Variants in TMTC2 observed in about 807,000 individuals in gnomAD.
TMTC2 encodes protein O-mannosyl-transferase TMTC2.
In TMTC2, 43 loss-of-function variants were observed where a neutral mutation model predicts 82.4. That is an observed-to-expected ratio of 0.52 (90% CI 0.41 to 0.67). The LOEUF (loss-of-function observed/expected upper bound fraction) is 0.67, where lower values mean the gene tolerates loss of function less well. TMTC2 is among the 30% of genes least tolerant of loss of function. The pLI is 0.00. For missense variants in TMTC2, 919 were observed against 1,012.4 expected, an observed-to-expected ratio of 0.91 and a Z score of 1.25; for synonymous variants, 408 against 381.9, an observed-to-expected ratio of 1.07 and a Z score of -0.80.
intron 1 of TMTC2, among the ~76,000 whole-genome samples, chr12:82,740,259 T>C (rs916063638): frequency 7.9e-5 from 12 of 152,104 alleles, no homozygotes; most frequent in African/African-American, 2.4e-5. Context: ...TCTGGAAAAG[T>C]GGGGTGTGAT....
At chr12:82,877,663 T>G (rs1872647826) in intron 2 of TMTC2, among the ~76,000 whole-genome samples, 4 of 152,198 alleles carry the variant, frequency 2.6e-5, no homozygotes, top group African/African-American at 7.2e-5. Flanking sequence ...CTCCTGTTCT[T>G]CATTGATTAA....
At chr12:83,010,228 C>CT (rs1283195512) in intron 8 of TMTC2, among the ~76,000 whole-genome samples, 1 of 152,170 alleles carries the variant, frequency 6.6e-6, no homozygotes, top group Non-Finnish European at 1.5e-5. Flanking sequence ...TCCCATATAT[C>CT]TGATATTTAT....
intron 1 of TMTC2, among the ~76,000 whole-genome samples, chr12:82,748,093 G>A (rs994620135): frequency 1.3e-5 from 2 of 151,604 alleles, no homozygotes; most frequent in Non-Finnish European, 2.9e-5. Flanking sequence ...GGTGGATCAC[G>A]CGGTCAGGAG....
chr12:82,966,972 C>G lies in TMTC2; in HGVS notation c.1923C>G (p.Ala641=), dbSNP rs371674067. 1 of 1,613,046 alleles carries G rather than the reference C, an allele frequency of 6.2e-7. No homozygotes were observed. The highest frequency in any genetic ancestry group is 8.5e-7 in the Non-Finnish European group (1 of 1,179,312). ...EAIQKMPRQF[A]PQSLYNMMGE... is the part of the protein sequence containing the mutation. The stretch of plus-strand genomic sequence containing the variant: ...TTCAGAAAATGCCAAGGCAGTTTGC[C>G]CCACAGAGCTTGTACAACATGATGG... Residue 641 remains alanine (A), a synonymous_variant, in exon 7 of 12, where the codon GCC becomes GCG. Transcript: ENST00000321196.
chr12:82,765,748 A>G (rs139615450), intron 1 of TMTC2, among the ~76,000 whole-genome samples: 1 of 152,284 alleles, frequency 6.6e-6, no homozygotes, highest in East Asian at 1.9e-4. Flanking sequence ...GTACCTTGCT[A>G]TCATATTCAT....
intron 11 of TMTC2, among the ~76,000 whole-genome samples, chr12:83,131,023 G>A (rs1382460678): frequency 1.3e-5 from 2 of 152,156 alleles, no homozygotes; most frequent in Non-Finnish European, 2.9e-5. Flanking sequence ...AAAGAGTAGA[G>A]TCACATGAAT....
At chr12:82,904,200 C>A (rs537385254) in intron 3 of TMTC2, among the ~76,000 whole-genome samples, 2 of 152,192 alleles carry the variant, frequency 1.3e-5, no homozygotes, top group African/African-American at 4.8e-5. Flanking sequence ...CCCTATAAAG[C>A]CAGTCTTATG....
At chr12:82,805,453 C>G (rs572624781) in intron 1 of TMTC2, among the ~76,000 whole-genome samples, 4 of 144,238 alleles carry the variant, frequency 2.8e-5, no homozygotes, top group African/African-American at 1.0e-4. Flanking sequence ...GGAACCTCTA[C>G]ATTACTTTTT....
At chr12:82,740,184 TAC>T (rs1875325247) in intron 1 of TMTC2, among the ~76,000 whole-genome samples, 1 of 152,184 alleles carries the variant, frequency 6.6e-6, no homozygotes, top group Non-Finnish European at 1.5e-5. Context: ...AAATTACAAA[TAC>T]AGTCTCATTT....
rs186810448 is a variant in TMTC2 at position 83,033,413 on chromosome 12, G to A, written c.2152+2534G>A. On this transcript the variant is annotated intron_variant, in intron 9 of 11. Transcript: ENST00000321196. ...GTTGACTTGCTCAAGTTAATTACAG[G>A]TAAGTTCTGGATTCCTTGATTACTG... 2.2e-3 allele frequency among the ~76,000 whole-genome samples: 341 copies of A among 152,280 alleles called. 2 individuals are homozygous for A. The highest frequency in any genetic ancestry group is 7.9e-3 in the African/African-American group (328 of 41,556).
At chr12:82,843,530 C>T (rs190572702) in intron 1 of TMTC2, among the ~76,000 whole-genome samples, 197 of 152,230 alleles carry the variant, frequency 1.3e-3, no homozygotes, top group African/African-American at 4.5e-3. Context: ...ACAGGAATAC[C>T]TGTGAGGGAT....
At chr12:82,800,170 G>C (rs553833999) in intron 1 of TMTC2, among the ~76,000 whole-genome samples, 1 of 152,170 alleles carries the variant, frequency 6.6e-6, no homozygotes, top group South Asian at 2.1e-4. Context: ...CTCTCACAGA[G>C]GATTGCTTGC....
chr12:83,132,137 G>T, intron 11 of TMTC2, 73 bp from the exon 12 acceptor site: 1 of 1,504,896 alleles, frequency 6.6e-7, no homozygotes. Context: ...ATAAGTGGAT[G>T]AAGATTTTTG....
chr12:82,737,530 T>C (rs1472523228), intron 1 of TMTC2, among the ~76,000 whole-genome samples: 2 of 152,196 alleles, frequency 1.3e-5, no homozygotes, highest in Non-Finnish European at 2.9e-5. Flanking sequence ...TTATTTAAAA[T>C]GGCTGCCATC....
intron 11 of TMTC2, among the ~76,000 whole-genome samples, chr12:83,080,788 T>C (rs1056017392): frequency 7.9e-5 from 12 of 152,082 alleles, no homozygotes; most frequent in Non-Finnish European, 1.6e-4. Flanking sequence ...ATCATTAGAG[T>C]GGAGAAGTGC....
chr12:82,730,073 C>G (rs936609409), intron 1 of TMTC2, among the ~76,000 whole-genome samples: 2 of 152,120 alleles, frequency 1.3e-5, no homozygotes. Flanking sequence ...GACACGCTGC[C>G]TTTAAGAACT....
intron 1 of TMTC2, among the ~76,000 whole-genome samples, chr12:82,772,080 A>C (rs1279600361): frequency 2.6e-5 from 4 of 152,150 alleles, no homozygotes; most frequent in Admixed American, 1.3e-4. Context: ...CATGGCGCTT[A>C]ACTGTAAATT....
At chr12:82,987,482 A>G (rs987679328) in intron 8 of TMTC2, among the ~76,000 whole-genome samples, 3 of 152,044 alleles carry the variant, frequency 2.0e-5, no homozygotes, top group African/African-American at 4.8e-5. Flanking sequence ...GTAACCAGAA[A>G]ACATCCCACT....
chr12:83,087,349 C>T (rs1883696826), intron 11 of TMTC2, among the ~76,000 whole-genome samples: 1 of 152,132 alleles, frequency 6.6e-6, no homozygotes, highest in Non-Finnish European at 1.5e-5. Flanking sequence ...CGAAGTCATC[C>T]ATGAGGGTTG....
Sources: gnomAD v4.1 joint callset for allele counts (sites outside exome capture counted in the v4.1 genomes callset) on GRCh38, gnomAD v4.1.1 for gene constraint, MANE v1.5 for transcripts, NCBI Gene and HGNC (gene_info 2026-07-23, HGNC 2026-07-21) for gene names.